The following DLGAP1 variants were observed in gnomAD, a reference collection of about 807,000 sequenced individuals.
DLGAP1 encodes disks large-associated protein 1.
Under a neutral mutation model 90.8 loss-of-function variants are expected in DLGAP1, and 11 were observed. That is an observed-to-expected ratio of 0.12 (90% CI 0.08 to 0.20). The LOEUF is 0.20. Among genes scored for constraint, DLGAP1 ranks in the 10% least tolerant of loss-of-function variants. DLGAP1 has a pLI of 1.00. For synonymous variants in DLGAP1, 558 were observed against 540.7 expected, an observed-to-expected ratio of 1.03 and a Z score of -0.44; for missense variants, 1,050 against 1,333.8, an observed-to-expected ratio of 0.79 and a Z score of 3.31.
At chr18:4,291,581 T>A (rs2079850341) in intron 1 of DLGAP1, among the ~76,000 whole-genome samples, 1 of 152,170 alleles carries the variant, frequency 6.6e-6, no homozygotes, top group African/African-American at 2.4e-5. Flanking sequence ...TTTGGATTAT[T>A]TTATACATAC....
intron 2 of DLGAP1, among the ~76,000 whole-genome samples, chr18:4,043,047 C>T (rs966151061): frequency 2.0e-5 from 3 of 152,238 alleles, no homozygotes; most frequent in East Asian, 3.9e-4. Context: ...TTGTATTTGT[C>T]CTCAGACGTA....
chr18:3,924,078 G>T (rs1003337818), intron 3 of DLGAP1, among the ~76,000 whole-genome samples: 1 of 152,190 alleles, frequency 6.6e-6, no homozygotes, highest in African/African-American at 2.4e-5. Context: ...TTGTTTAAAA[G>T]TGTCAGTGAT....
chr18:3,596,022 T>C (rs866026657), intron 7 of DLGAP1, among the ~76,000 whole-genome samples: 21 of 152,192 alleles, frequency 1.4e-4, no homozygotes, highest in African/African-American at 5.1e-4. Context: ...AGGTCAGGGT[T>C]ACAGAATTAT....
chr18:4,434,159 T>C (rs1212772523), intron 1 of DLGAP1, among the ~76,000 whole-genome samples: 1 of 125,520 alleles, frequency 8.0e-6, no homozygotes, highest in Non-Finnish European at 1.7e-5. Flanking sequence ...ACCGAAAATA[T>C]TGCATCCCTA....
At chr18:3,892,164 CACAG>C (rs1332285016) in intron 3 of DLGAP1, among the ~76,000 whole-genome samples, 7 of 130,914 alleles carry the variant, frequency 5.3e-5, no homozygotes, top group Non-Finnish European at 4.9e-5. Flanking sequence ...CACACACACA[CACAG>C]TCTTTCATAC....
At chr18:4,363,620 G>T (rs574271596) in intron 1 of DLGAP1, among the ~76,000 whole-genome samples, 76 of 152,280 alleles carry the variant, frequency 5.0e-4, no homozygotes, top group African/African-American at 1.7e-3. Context: ...CTTCTCAAAA[G>T]AAGACATTTA....
At chr18:4,411,736 TA>T (rs2082782580) in intron 1 of DLGAP1, among the ~76,000 whole-genome samples, 1 of 152,164 alleles carries the variant, frequency 6.6e-6, no homozygotes, top group Non-Finnish European at 1.5e-5. Flanking sequence ...GGCCATAGGC[TA>T]GGATATCAGC....
In DLGAP1 at chr18:4,396,954, A is replaced by G. The variant is rs534531277; in HGVS notation, c.-267+58052T>C. ...GTGGAGAAAGAATGAAACAAAGGGT[A>G]AAGCTGCCATGGAATGAAGGTGCTA... On this transcript the variant is annotated intron_variant, in intron 1 of 12. Coordinates refer to ENST00000315677, the MANE Select transcript of DLGAP1 (RefSeq NM_004746.4). Among the ~76,000 whole-genome samples, 5 of 152,326 alleles carry G rather than the reference A, an allele frequency of 3.3e-5. No homozygotes were observed. In the East Asian group the frequency reaches 9.6e-4, roughly 29 times the overall value.
At chr18:3,831,130 G>A (rs2068013692) in intron 4 of DLGAP1, among the ~76,000 whole-genome samples, 1 of 152,286 alleles carries the variant, frequency 6.6e-6, no homozygotes, top group African/African-American at 2.4e-5. Flanking sequence ...CCAGAAGAGA[G>A]GCTCTTTTGG....
chr18:3,813,183 T>G (rs1260601331), intron 5 of DLGAP1, among the ~76,000 whole-genome samples: 1 of 152,244 alleles, frequency 6.6e-6, no homozygotes, highest in East Asian at 1.9e-4. Flanking sequence ...CAGTTAATGA[T>G]GCATATAATA....
chr18:3,988,961 T>C (rs2073905413), intron 3 of DLGAP1, among the ~76,000 whole-genome samples: 2 of 152,220 alleles, frequency 1.3e-5, no homozygotes, highest in African/African-American at 2.4e-5. Context: ...AATCTGAGCA[T>C]GAATTCCTCG....
chr18:3,626,650 C>A (rs12953643), intron 7 of DLGAP1, among the ~76,000 whole-genome samples: 57,375 of 150,258 alleles, frequency 0.38, 11,714 homozygotes, highest in East Asian at 0.52. Flanking sequence ...TCATGCCTAT[C>A]ATCCCACTAC....
chr18:3,934,311 C>T (rs1362191689), intron 3 of DLGAP1, among the ~76,000 whole-genome samples: 2 of 152,158 alleles, frequency 1.3e-5, no homozygotes, highest in East Asian at 3.8e-4. Flanking sequence ...AGCCAGGCAG[C>T]TCCCTGGAAA....
intron 2 of DLGAP1, among the ~76,000 whole-genome samples, chr18:4,061,057 CAG>C (rs1044005569): frequency 2.6e-5 from 4 of 152,188 alleles, no homozygotes; most frequent in Admixed American, 2.0e-4. Flanking sequence ...CTATGCTGGA[CAG>C]AGTCAGACCT....
At chr18:3,878,313 CTCCTA>C (rs2071055635) in intron 4 of DLGAP1, 2 of 152,090 alleles carry the variant, frequency 1.3e-5, no homozygotes, top group African/African-American at 4.8e-5. Flanking sequence ...AAACATCTCT[CTCCTA>C]TATTTTTATC....
chr18:3,996,791 G>A (rs59919778), intron 3 of DLGAP1, among the ~76,000 whole-genome samples: 9 of 151,986 alleles, frequency 5.9e-5, no homozygotes, highest in African/African-American at 2.2e-4. Flanking sequence ...GTTTTCCATG[G>A]TGCAGTTCAC....
At chr18:3,827,770 T>C (rs1304253755) in intron 4 of DLGAP1, among the ~76,000 whole-genome samples, 2 of 152,210 alleles carry the variant, frequency 1.3e-5, no homozygotes, top group African/African-American at 4.8e-5. Context: ...TTCTGTTGTA[T>C]TCTATTTAAT....
chr18:4,234,333 A>C (rs2145076403), intron 1 of DLGAP1, among the ~76,000 whole-genome samples: 1 of 152,258 alleles, frequency 6.6e-6, no homozygotes, highest in African/African-American at 2.4e-5. Flanking sequence ...CTTCAGACTA[A>C]CAAGTCTTAA....
chr18:3,996,280 T>G (rs1419878788), intron 3 of DLGAP1, among the ~76,000 whole-genome samples: 11 of 152,252 alleles, frequency 7.2e-5, no homozygotes, highest in Non-Finnish European at 1.6e-4. Flanking sequence ...ACAAAGGCTT[T>G]CTACTTGAAA....
Sources: allele counts gnomAD v4.1 joint callset (sites outside exome capture counted in the v4.1 genomes callset), GRCh38; gene constraint gnomAD v4.1.1; transcripts MANE v1.5; gene names NCBI Gene and HGNC (gene_info 2026-07-23, HGNC 2026-07-21).